The following OSTF1 variants were observed in gnomAD, a reference collection of about 807,000 sequenced individuals.
OSTF1 encodes osteoclast-stimulating factor 1.
A neutral mutation model predicts 37.2 loss-of-function variants in OSTF1; 27 were observed. That is an observed-to-expected ratio of 0.73 (90% confidence interval 0.54 to 1.00). The LOEUF is 1.00. OSTF1 is among the 50% of genes least tolerant of loss of function. OSTF1 has a pLI of 0.00. For missense variants in OSTF1, 232 were observed against 253.8 expected, an observed-to-expected ratio of 0.91 and a Z score of 0.58; for synonymous variants, 82 against 89.2, an observed-to-expected ratio of 0.92 and a Z score of 0.46.
chr9:75,094,605 T>C (rs1421627684), intron 1 of OSTF1, among the ~76,000 whole-genome samples: 1 of 151,988 alleles, frequency 6.6e-6, no homozygotes, highest in African/African-American at 2.4e-5. Context: ...CCTCAGGGCA[T>C]AACAGAACCC....
At position 75,147,250 on chromosome 9, in the gene OSTF1, CTT is replaced by C. The variant is rs1336814297; in HGVS notation, c.*513_*514del. 1 of 151,654 alleles carries C rather than the reference CTT, an allele frequency of 6.6e-6. No individual in the cohort carries two copies. The highest frequency in any genetic ancestry group is 2.4e-5 in the African/African-American group (1 of 41,330). 9.4% of individuals were successfully genotyped at this position (151,654 alleles called of 1,614,324 possible). A position where few individuals can be genotyped will look rare whatever the true frequency, so the allele number is the denominator to read the frequency against. On this transcript the variant is annotated 3_prime_UTR_variant, in exon 10 of 10. Coordinates refer to ENST00000346234, the MANE Select transcript of OSTF1 (RefSeq NM_012383.5). ...ACTCATTGTCGTTAAGTAAGTAAAG[CTT>C]TTTATATTTAGGTAAGAACTGATTT... is the stretch of plus-strand genomic sequence containing the variant.
chr9:75,138,459 A>G (rs1446593868), intron 8 of OSTF1, among the ~76,000 whole-genome samples: 1 of 152,188 alleles, frequency 6.6e-6, no homozygotes, highest in East Asian at 1.9e-4. Context: ...CACGTGCACA[A>G]CTGAGCCCTT....
At chr9:75,132,972 TACACACAC>T (rs57913558) in intron 5 of OSTF1, among the ~76,000 whole-genome samples, 120 of 60,336 alleles carry the variant, frequency 2.0e-3, no homozygotes, top group South Asian at 5.1e-3. Context: ...TACACACACA[TACACACAC>T]ACACACACAC....
intron 1 of OSTF1, among the ~76,000 whole-genome samples, chr9:75,092,580 A>G (rs1587431866): frequency 6.6e-6 from 1 of 152,156 alleles, no homozygotes; most frequent in East Asian, 1.9e-4. Context: ...TAATTTTTTT[A>G]TTTTTAGAAA....
chr9:75,120,839 C>T (rs908866307), intron 2 of OSTF1, among the ~76,000 whole-genome samples: 1 of 152,212 alleles, frequency 6.6e-6, no homozygotes. Context: ...CTAGATGTGA[C>T]TCACAGTAGA....
intron 1 of OSTF1, among the ~76,000 whole-genome samples, chr9:75,091,874 A>T (rs1351783352): frequency 6.6e-6 from 1 of 152,252 alleles, no homozygotes; most frequent in Non-Finnish European, 1.5e-5. Context: ...CATAGTGCTC[A>T]TAAAATTAAA....
intron 9 of OSTF1, 66 bp from the exon 10 acceptor site, chr9:75,146,617 G>GA (rs1350624605): frequency 9.2e-7 from 1 of 1,089,910 alleles, no homozygotes; most frequent in Non-Finnish European, 1.4e-6. Context: ...CTTTGAAAAT[G>GA]AAAAAATAAA....
chr9:75,121,544 A>G (rs977827935), intron 2 of OSTF1, among the ~76,000 whole-genome samples: 1 of 152,184 alleles, frequency 6.6e-6, no homozygotes, highest in Non-Finnish European at 1.5e-5. Flanking sequence ...GCTCCGTTCA[A>G]TTCAGGTATG....
At chr9:75,109,082 G>A (rs1325732707) in intron 1 of OSTF1, among the ~76,000 whole-genome samples, 1 of 137,486 alleles carries the variant, frequency 7.3e-6, no homozygotes, top group Admixed American at 7.6e-5. Flanking sequence ...GTGCAATCTT[G>A]GCTCACTGCA....
At chr9:75,115,471 A>G (rs2146049) in intron 1 of OSTF1, among the ~76,000 whole-genome samples, 134,112 of 151,980 alleles carry the variant, frequency 0.88, 59,503 homozygotes, top group African/African-American at 0.97. Flanking sequence ...TTTATCTTTA[A>G]TAGAGATGGG....
chr9:75,092,496 G>C (rs1046100873), intron 1 of OSTF1, among the ~76,000 whole-genome samples: 1 of 152,112 alleles, frequency 6.6e-6, no homozygotes, highest in Non-Finnish European at 1.5e-5. Flanking sequence ...ATTACCTAGA[G>C]TATCCCATAT....
intron 2 of OSTF1, among the ~76,000 whole-genome samples, chr9:75,119,742 G>A (rs1825548581): frequency 1.3e-5 from 2 of 152,158 alleles, no homozygotes; most frequent in Non-Finnish European, 2.9e-5. Flanking sequence ...TGAGGCGGGT[G>A]GATCACGAGG....
chr9:75,093,056 C>CTTT (rs1244892484), intron 1 of OSTF1, among the ~76,000 whole-genome samples: 10 of 135,526 alleles, frequency 7.4e-5, no homozygotes, highest in African/African-American at 3.4e-4. Flanking sequence ...CTCTCTCTTT[C>CTTT]TTTCTTTCTT....
chr9:75,095,373 A>G (rs905735173), intron 1 of OSTF1, among the ~76,000 whole-genome samples: 1 of 152,228 alleles, frequency 6.6e-6, no homozygotes, highest in Non-Finnish European at 1.5e-5. Flanking sequence ...GAAAAATCTC[A>G]GTGCTTGTGA....
chr9:75,139,373 A>T (rs1825903008), intron 8 of OSTF1, among the ~76,000 whole-genome samples: 3 of 152,060 alleles, frequency 2.0e-5, no homozygotes, highest in African/African-American at 4.8e-5. Flanking sequence ...TGCAAAAAAA[A>T]TATGATACTT....
chr9:75,103,686 T>C (rs1004229717), intron 1 of OSTF1, among the ~76,000 whole-genome samples: 1 of 152,150 alleles, frequency 6.6e-6, no homozygotes, highest in African/African-American at 2.4e-5. Context: ...CAGGCTGGAG[T>C]GCAGTAGCAC....
intron 1 of OSTF1, among the ~76,000 whole-genome samples, chr9:75,097,747 C>T (rs540820130): frequency 8.1e-5 from 11 of 136,074 alleles, no homozygotes; most frequent in Admixed American, 3.7e-4. Flanking sequence ...GCCCTCGTGC[C>T]GTCCCCTCTT....
chr9:75,101,910 G>T lies in OSTF1; in HGVS notation c.34+13184G>T, dbSNP rs78623377. Among the ~76,000 whole-genome samples the T allele has an allele frequency of 3.1e-3, 470 of 152,280 alleles. 2 individuals are homozygous for T. Among genetic ancestry groups the T allele is most frequent in the African/African-American group, 0.011 (459 of 41,550 alleles). On this transcript the variant is annotated intron_variant, in intron 1 of 9. Coordinates refer to ENST00000346234, the MANE Select transcript of OSTF1 (RefSeq NM_012383.5). The stretch of plus-strand genomic sequence containing the variant: ...AAGGGCACATTTATATCATCATGTT[G>T]TCTTGCTAGCATGTGTCTTCATAGA...
intron 1 of OSTF1, among the ~76,000 whole-genome samples, chr9:75,096,127 C>A (rs966292306): frequency 6.6e-6 from 1 of 152,066 alleles, no homozygotes; most frequent in Non-Finnish European, 1.5e-5. Flanking sequence ...TCCTGACCTC[C>A]GTGATCCACC....
Sources: allele counts gnomAD v4.1 joint callset (sites outside exome capture counted in the v4.1 genomes callset), GRCh38; gene constraint gnomAD v4.1.1; transcripts MANE v1.5; gene names NCBI Gene and HGNC (gene_info 2026-07-23, HGNC 2026-07-21).